CCHCR1: variants seen among roughly 807,000 people sequenced by gnomAD.
The protein encoded by CCHCR1 is HCR (a-helix coiled-coil rod homologue).
In CCHCR1, 91 loss-of-function variants were observed where a neutral mutation model predicts 114.6. The ratio of observed to expected loss-of-function variants is 0.79; its 90% CI spans 0.67 to 0.94. The LOEUF (loss-of-function observed/expected upper bound fraction) is 0.94. Among genes scored for constraint, CCHCR1 ranks in the 40% least tolerant of loss-of-function variants. CCHCR1 has a pLI of 0.00. For missense variants in CCHCR1, 899 were observed against 1,079.9 expected, an observed-to-expected ratio of 0.83 and a Z score of 2.35; for synonymous variants, 379 against 428.5, an observed-to-expected ratio of 0.88 and a Z score of 1.43.
chr6:31,145,653 G>C, intron 11 of CCHCR1, 43 bp downstream of exon 11: 1 of 1,500,822 alleles, frequency 6.7e-7, no homozygotes, highest in Admixed American at 1.7e-5. Flanking sequence ...AGTCCGAGCT[G>C]GTGGGGTGGG....
At position 31,145,284 on chromosome 6, in the gene CCHCR1, C is replaced by T. The variant is rs370640526; in HGVS notation, c.1758G>A (p.Pro586=). The T allele has an allele frequency of 1.7e-5, 27 of 1,613,830 alleles. No individual in the cohort carries two copies. In the Middle Eastern group the frequency reaches 4.9e-4, roughly 30 times the overall value. Reference sequence around the variant, plus strand: ...GCAACTCAAGGCTCACGTCTGTGACCGGTGGTGGTAGGGGACAGCTGGGAC... The same window carrying T: ...GCAACTCAAGGCTCACGTCTGTGACTGGTGGTGGTAGGGGACAGCTGGGAC... ...LRQESCPLPP[P]VTDVSLELQQ... The change falls in exon 13 of 18, where the codon CCG becomes CCA. Residue 586 remains proline, a synonymous_variant. Transcript: ENST00000396268.
At position 31,145,175 on chromosome 6, in the gene CCHCR1, G is replaced by A. The variant is rs144588628; in HGVS notation, c.1867C>T (p.Arg623Trp). The A allele has an allele frequency of 3.7e-5, 60 of 1,612,546 alleles. No individual in the cohort carries two copies. In the African/African-American group the frequency reaches 3.7e-4, roughly 10 times the overall value. Residue 623 changes from arginine to tryptophan, a missense_variant, in exon 13 of 18, where the codon CGG (arginine) becomes TGG (tryptophan). Transcript: ENST00000396268. ...TGGCAACCAGGTGTACCTTGCTCCC[G>A]AGCCCGGCCCACCTCCTGCTGGATG... ...RLIQQEVGRA[R>W]EQGEAERQQL...
chr6:31,145,016 T>A lies in CCHCR1; in HGVS notation c.1934A>T (p.Gln645Leu). 6.2e-7 allele frequency: 1 copy of A among 1,605,604 alleles called. No individual in the cohort carries two copies. Among genetic ancestry groups the A allele is most frequent in the Non-Finnish European group, 8.5e-7 (1 of 1,179,538 alleles). Residue 645 changes from glutamine to leucine, a missense_variant, in exon 14 of 18, where the codon CAG becomes CTG. Physicochemically the swap from Gln to Leu is moderately radical, Grantham distance 113. Transcript: ENST00000396268. Reference sequence around the variant, plus strand: ...GCTAGCCAGGGACTCCTGGGTCTGCTGCAGCTCCTGCTCCAGCTGCTGGGC... The same window carrying A: ...GCTAGCCAGGGACTCCTGGGTCTGCAGCAGCTCCTGCTCCAGCTGCTGGGC... ...KVAQQLEQEL[Q>L]QTQESLASLG...
At chr6:31,148,332 T>A (rs989203045) in intron 10 of CCHCR1, 73 bp downstream of exon 10, 7 of 931,546 alleles carry the variant, frequency 7.5e-6, no homozygotes, top group Non-Finnish European at 1.2e-5. Flanking sequence ...TGCCTGAGGA[T>A]CCTCAGCAAC....
At chr6:31,148,380 C>T in intron 10 of CCHCR1, 25 bp downstream of exon 10, 1 of 1,394,028 alleles carries the variant, frequency 7.2e-7, no homozygotes, top group South Asian at 1.2e-5. Context: ...AAACACTACT[C>T]CACCCACCCC....
intron 10 of CCHCR1, among the ~76,000 whole-genome samples, chr6:31,146,753 G>A (rs1313722955): frequency 1.3e-5 from 2 of 152,104 alleles, no homozygotes; most frequent in African/African-American, 4.8e-5. Context: ...AAGCCTGGAG[G>A]ACTTTCGGCA....
At chr6:31,155,687 TA>T (rs1199147886) in intron 3 of CCHCR1, among the ~76,000 whole-genome samples, 6 of 152,040 alleles carry the variant, frequency 3.9e-5, no homozygotes, top group African/African-American at 1.4e-4. Flanking sequence ...TGCCAGCCTT[TA>T]GAGAAATCGT....
intron 8 of CCHCR1, 135 bp downstream of exon 8, chr6:31,149,922 GCAAGCTCCA>G: frequency 1.3e-6 from 1 of 783,758 alleles, no homozygotes; most frequent in South Asian, 1.7e-5. Context: ...GTTCTAGAAT[GCAAGCTCCA>G]CATTTTAGTT....
At chr6:31,142,750 AG>A (rs1230461549) in intron 17 of CCHCR1, 34 bp from the exon 18 acceptor site, 2 of 1,592,320 alleles carry the variant, frequency 1.3e-6, no homozygotes, top group African/African-American at 2.7e-5. Context: ...GCACCAGACA[AG>A]GGAAGGTGCT....
chr6:31,143,856 C>G lies in CCHCR1; in HGVS notation c.2168-443G>C, dbSNP rs570514872. On this transcript the variant is annotated intron_variant, in intron 15 of 17. Coordinates refer to ENST00000396268, the MANE Select transcript of CCHCR1 (RefSeq NM_001105564.2). This position sits in a 1 kb window ranked among gnomAD's most constrained non-coding sequence, Gnocchi z 5.3. Reference sequence around the variant, plus strand: ...CGGGCGGATCACGAGGTTAGGAGCTCGAGACCATCCTGGCCAACATGGTGT... The same window carrying G: ...CGGGCGGATCACGAGGTTAGGAGCTGGAGACCATCCTGGCCAACATGGTGT... 6.6e-6 allele frequency among the ~76,000 whole-genome samples: 1 copy of G among 152,114 alleles called. No individual in the cohort carries two copies. The highest frequency in any genetic ancestry group is 1.5e-5 in the Non-Finnish European group (1 of 68,022).
rs984667372 is a variant in CCHCR1, at chr6:31,142,660, C to T, written c.2548G>A (p.Glu850Lys). The T allele has an allele frequency of 6.2e-7, 1 of 1,613,472 alleles. No homozygotes were observed. The highest frequency in any genetic ancestry group is 8.5e-7 in the Non-Finnish European group (1 of 1,179,980). ...TTGTCTCCTTGACAAACAGCTTCCT[C>T]TTTGGAAATGGCTTCACTCAGGTCC... ...LQDLSEAISK[E>K]EAVCQGDNLD... Residue 850 changes from glutamate (E) to lysine (K), a missense_variant, in exon 18 of 18, where the codon GAG (glutamate) becomes AAG (lysine). Transcript: ENST00000396268.
At chr6:31,152,403 A>T (rs181762518) in intron 4 of CCHCR1, among the ~76,000 whole-genome samples, 1 of 151,656 alleles carries the variant, frequency 6.6e-6, no homozygotes, top group African/African-American at 2.4e-5. Context: ...CAATGGCACG[A>T]TCTCAGCTCA....
In CCHCR1 at chr6:31,143,382, G is replaced by A. The variant is rs760608377; in HGVS notation, c.2199C>T (p.Ala733=). 1.1e-5 allele frequency: 17 copies of A among 1,612,828 alleles called. No individual in the cohort carries two copies. Among genetic ancestry groups the A allele is most frequent in the East Asian group, 2.2e-5 (1 of 44,874 alleles). The change falls in exon 16 of 18, where the codon GCC becomes GCT. Residue 733 remains alanine (A), a synonymous_variant. Transcript: ENST00000396268. This position sits in a 1 kb window ranked among gnomAD's most constrained non-coding sequence, Gnocchi z 5.3. ...CCTGGCTCCGCTCCTTTTCCTGGGCGGCTCTGCGCTGAATCTGGCGTAAGG... is the reference window on the plus strand; with the variant it reads ...CCTGGCTCCGCTCCTTTTCCTGGGCAGCTCTGCGCTGAATCTGGCGTAAGG... ...VVSLRQIQRR[A]AQEKERSQEL...
Position 31,143,379 on chromosome 6 carries a change from G to A in CCHCR1, c.2202C>T (p.Ala734=). The change falls in exon 16 of 18, where the codon GCC becomes GCT. Residue 734 remains alanine, a synonymous_variant. Coordinates refer to ENST00000396268, the MANE Select transcript of CCHCR1 (RefSeq NM_001105564.2). The surrounding 1 kb of genome is among the most constrained non-coding windows in gnomAD (Gnocchi z 5.3). ...GTTCCTGGCTCCGCTCCTTTTCCTG[G>A]GCGGCTCTGCGCTGAATCTGGCGTA... ...VSLRQIQRRA[A]QEKERSQELR... 1.2e-6 allele frequency: 2 copies of A among 1,612,928 alleles called. No homozygotes were observed. The highest frequency in any genetic ancestry group is 1.7e-6 in the Non-Finnish European group (2 of 1,180,026).
intron 8 of CCHCR1, among the ~76,000 whole-genome samples, chr6:31,149,819 T>C (rs1181871012): frequency 6.6e-6 from 1 of 152,092 alleles, no homozygotes; most frequent in African/African-American, 2.4e-5. Flanking sequence ...AGTGATCGCA[T>C]TATAGGTGTG....
Position 31,155,603 on chromosome 6 carries a change from C to CAAAAAAAAAAGAA in CCHCR1, c.498-805_498-804insTTCTTTTTTTTTT, listed in dbSNP as rs9257057. On this transcript the variant is annotated intron_variant, in intron 3 of 17. Coordinates refer to ENST00000396268, the MANE Select transcript of CCHCR1 (RefSeq NM_001105564.2). ...TGGGCGACAGAGTGAGACTCCATCT[C>CAAAAAAAAAAGAA]AAAAAAAAGGCATTTATTGAGTGTT... Among the ~76,000 whole-genome samples, 23 of 96,782 alleles carry CAAAAAAAAAAGAA rather than the reference C, an allele frequency of 2.4e-4. 1 individual carries two copies. Among genetic ancestry groups the CAAAAAAAAAAGAA allele is most frequent in the Non-Finnish European group, 4.2e-4 (21 of 49,718 alleles). The allele number at this position is 96,782 out of a possible 152,430, so 63.5% of individuals were successfully genotyped here.
At chr6:31,156,632 G>C in intron 3 of CCHCR1, 99 bp downstream of exon 3, 1 of 992,666 alleles carries the variant, frequency 1.0e-6, no homozygotes, top group Non-Finnish European at 1.5e-6. Context: ...AAATGAGTAC[G>C]TTCTGGAAAC....
At position 31,157,639 on chromosome 6, in the gene CCHCR1, C is replaced by A; in HGVS notation, c.-39G>T. 1 of 1,521,522 alleles carries A rather than the reference C, an allele frequency of 6.6e-7. No individual in the cohort carries two copies. The highest frequency in any genetic ancestry group is 1.2e-5 in the South Asian group (1 of 85,828). 94.3% of individuals were successfully genotyped at this position (1,521,522 alleles called of 1,614,324 possible). ...CTCCCCAAGACCTTGGGAATCCAGGCCGCCTAGATCCCCAGGCAGAAAAGC... is the reference window on the plus strand; with the variant it reads ...CTCCCCAAGACCTTGGGAATCCAGGACGCCTAGATCCCCAGGCAGAAAAGC... On this transcript the variant is annotated 5_prime_UTR_variant, in exon 1 of 18. Transcript: ENST00000396268.
rs192480240 is a variant in CCHCR1, at chr6:31,154,387, T to C, written c.801+109A>G. The stretch of plus-strand genomic sequence containing the variant: ...ATTTTCACCAAAGGTCTCATCACTC[T>C]ACTACTCACTACTCATGGAGGGTCT... On this transcript the variant is annotated intron_variant, in intron 4 of 17. Transcript: ENST00000396268. This position sits in a 1 kb window ranked among gnomAD's most constrained non-coding sequence, Gnocchi z 4.1. The C allele has an allele frequency of 3.8e-6, 3 of 797,284 alleles. No individual in the cohort carries two copies. The highest frequency in any genetic ancestry group is 2.2e-5 in the Admixed American group (1 of 45,974). 49.4% of individuals were successfully genotyped at this position (797,284 alleles called of 1,614,324 possible). A position where few individuals can be genotyped will look rare whatever the true frequency, so the allele number is the denominator to read the frequency against.
Sources: gnomAD v4.1 joint callset for allele counts (sites outside exome capture counted in the v4.1 genomes callset) on GRCh38, gnomAD v4.1.1 for gene constraint, Gnocchi (gnomAD v3.1) non-coding constraint, MANE v1.5 for transcripts, NCBI Gene and HGNC (gene_info 2026-07-23, HGNC 2026-07-21) for gene names.